ITPK1: variants seen among roughly 807,000 people sequenced by gnomAD.
ITPK1 encodes the protein inositol-tetrakisphosphate 1-kinase, also known as inositol 1,3,4-trisphosphate 5/6-kinase.
ITPK1 carries 21 observed loss-of-function variants against 45.3 expected under a neutral mutation model. The observed-to-expected ratio is 0.46, with a 90% confidence interval of 0.33 to 0.67. The LOEUF (loss-of-function observed/expected upper bound fraction) is 0.67. ITPK1 is among the 30% of genes least tolerant of loss of function. The pLI, the probability that ITPK1 is intolerant of heterozygous loss-of-function variation, is 0.02. For synonymous variants in ITPK1, 258 were observed against 253.6 expected (o/e 1.02, Z -0.16); for missense variants, 474 against 573.5 (o/e 0.83, Z 1.77).
intron 3 of ITPK1, among the ~76,000 whole-genome samples, chr14:93,059,109 T>G (rs890852461): frequency 5.7e-3 from 11 of 1,934 alleles, no homozygotes; most frequent in African/African-American, 0.023. Context: ...GAGGCAGGGG[T>G]GGAGGGGGTG....
intron 9 of ITPK1, among the ~76,000 whole-genome samples, chr14:92,947,759 AG>A: frequency 6.6e-6 from 1 of 152,310 alleles, no homozygotes; most frequent in East Asian, 1.9e-4. Flanking sequence ...TTGTGGGCTT[AG>A]GGGCCAAAGG....
chr14:93,050,179 G>A (rs1328241109), intron 3 of ITPK1, among the ~76,000 whole-genome samples: 1 of 152,218 alleles, frequency 6.6e-6, no homozygotes, highest in Non-Finnish European at 1.5e-5. Flanking sequence ...AGGAGGACTG[G>A]GTTGCACTCG....
In ITPK1 at chr14:92,940,577, C is replaced by T; in HGVS notation, c.*984G>A. The stretch of plus-strand genomic sequence containing the variant: ...GAGTGAACCCACTGGGAAGAGGGCC[C>T]CGATCTCCATGGTGTCATGCCGAGG... On this transcript the variant is annotated 3_prime_UTR_variant, in exon 11 of 11. Coordinates refer to ENST00000267615, the MANE Select transcript of ITPK1 (RefSeq NM_014216.6). 6.8e-6 allele frequency: 8 copies of T among 1,183,602 alleles called. No homozygotes were observed. The highest frequency in any genetic ancestry group is 1.6e-5 in the South Asian group (1 of 64,214). 73.3% of individuals were successfully genotyped at this position (1,183,602 alleles called of 1,614,324 possible).
chr14:92,966,162 C>T (rs1885343854), intron 5 of ITPK1, among the ~76,000 whole-genome samples: 1 of 118,272 alleles, frequency 8.5e-6, no homozygotes, highest in Non-Finnish European at 1.7e-5. Flanking sequence ...CCACCATACC[C>T]AACTAATTGG....
intron 3 of ITPK1, chr14:93,071,932 A>C (rs1891021196): frequency 6.6e-6 from 1 of 152,182 alleles, no homozygotes; most frequent in Admixed American, 6.5e-5. Flanking sequence ...AACAATTACT[A>C]TAAGTATACA....
chr14:92,943,133 C>G (rs1887514371), intron 10 of ITPK1, among the ~76,000 whole-genome samples: 1 of 152,268 alleles, frequency 6.6e-6, no homozygotes, highest in Admixed American at 6.5e-5. Flanking sequence ...CGGCGCCTCC[C>G]GAGCTGGCAC....
At chr14:92,951,859 G>T in intron 9 of ITPK1, 87 bp downstream of exon 9, 1 of 1,054,802 alleles carries the variant, frequency 9.5e-7, no homozygotes, top group Non-Finnish European at 1.4e-6. Flanking sequence ...TGGAGAGCTT[G>T]GCCAAGGACC....
At chr14:93,019,552 G>A (rs1043672795) in intron 3 of ITPK1, among the ~76,000 whole-genome samples, 2 of 152,192 alleles carry the variant, frequency 1.3e-5, no homozygotes, top group African/African-American at 4.8e-5. Flanking sequence ...GGCTGCTCTC[G>A]GGTGCGGCCG....
At chr14:93,074,958 G>A (rs905652613) in intron 3 of ITPK1, among the ~76,000 whole-genome samples, 1 of 152,070 alleles carries the variant, frequency 6.6e-6, no homozygotes, top group African/African-American at 2.4e-5. Context: ...AATGGTCCCT[G>A]AACACACACC....
At chr14:92,962,071 C>T (rs902282258) in intron 7 of ITPK1, among the ~76,000 whole-genome samples, 21 of 152,378 alleles carry the variant, frequency 1.4e-4, no homozygotes, top group African/African-American at 4.8e-4. Flanking sequence ...ATGGCTGCCA[C>T]AGCTACGACA....
At chr14:93,091,426 C>T (rs1044834271) in intron 2 of ITPK1, among the ~76,000 whole-genome samples, 15 of 152,188 alleles carry the variant, frequency 9.9e-5, no homozygotes, top group Non-Finnish European at 1.6e-4. Flanking sequence ...CAGCTGGCCT[C>T]GGGCTCTTCC....
rs1339905842 is a variant in ITPK1 at position 93,014,296 on chromosome 14, C to T, written c.246+2380G>A. On this transcript the variant is annotated intron_variant, in intron 4 of 10. Coordinates refer to ENST00000267615, the MANE Select transcript of ITPK1 (RefSeq NM_014216.6). This position sits in a 1 kb window ranked among gnomAD's most constrained non-coding sequence, Gnocchi z 4.4. Reference sequence around the variant, plus strand: ...GCTCCCTGTTAATATTGTTTTCTGCCCAGAAAAGGAACACAGCGGGCACTC... The same window carrying T: ...GCTCCCTGTTAATATTGTTTTCTGCTCAGAAAAGGAACACAGCGGGCACTC... 2.6e-5 allele frequency among the ~76,000 whole-genome samples: 4 copies of T among 152,138 alleles called. No individual in the cohort carries two copies. Among genetic ancestry groups the T allele is most frequent in the Admixed American group, 2.0e-4 (3 of 15,274 alleles).
At chr14:93,092,943 G>C (rs9323887) in intron 2 of ITPK1, among the ~76,000 whole-genome samples, 10,016 of 152,206 alleles carry the variant, frequency 0.066, 1,092 homozygotes, top group African/African-American at 0.23. Context: ...GCCACGGCGC[G>C]TGCCTCCAGG....
At position 93,098,884 on chromosome 14, in the gene ITPK1, G is replaced by GC. The variant is rs754084931; in HGVS notation, c.95+16184dup. The stretch of plus-strand genomic sequence containing the variant: ...AGAGGCACCCACAGCAGTTAAGCAG[G>GC]CCCGGGGCAAGGGGCTCTGAGCAGG... On this transcript the variant is annotated intron_variant, in intron 2 of 10. Coordinates refer to ENST00000267615, the MANE Select transcript of ITPK1 (RefSeq NM_014216.6). Among the ~76,000 whole-genome samples, 19 of 152,264 alleles carry GC rather than the reference G, an allele frequency of 1.2e-4. No homozygotes were observed. The East Asian group carries it at 2.1e-3, about 17-fold the overall frequency.
chr14:93,010,327 C>T (rs895885520), intron 4 of ITPK1, among the ~76,000 whole-genome samples: 1 of 152,224 alleles, frequency 6.6e-6, no homozygotes, highest in Non-Finnish European at 1.5e-5. Flanking sequence ...GGCGACTGCT[C>T]AATAAACATC....
At chr14:93,058,352 C>T (rs1294045805) in intron 3 of ITPK1, among the ~76,000 whole-genome samples, 1 of 144,342 alleles carries the variant, frequency 6.9e-6, no homozygotes, top group Non-Finnish European at 1.5e-5. Flanking sequence ...TGCTGCTCTG[C>T]CTTGAGGTCC....
Position 93,100,558 on chromosome 14 carries a change from C to CAGAG in ITPK1, c.95+14507_95+14510dup, listed in dbSNP as rs752146253. Among the ~76,000 whole-genome samples, 7 of 142,896 alleles carry CAGAG rather than the reference C, an allele frequency of 4.9e-5. No homozygotes were observed. The South Asian group carries it at 9.8e-4, about 20-fold the overall frequency. 93.7% of individuals were successfully genotyped at this position (142,896 alleles called of 152,430 possible). On this transcript the variant is annotated intron_variant, in intron 2 of 10. Coordinates refer to ENST00000267615, the MANE Select transcript of ITPK1 (RefSeq NM_014216.6). Reference sequence around the variant, plus strand: ...GGAGGGAGAGAGAGAGAGAGAGAGACAGAGAGAGAGAGAGACAGACAGACA... The same window carrying CAGAG: ...GGAGGGAGAGAGAGAGAGAGAGAGACAGAGAGAGAGAGAGAGAGACAGACAGACA...
chr14:92,981,657 G>A (rs1471592464), intron 5 of ITPK1, among the ~76,000 whole-genome samples: 1 of 152,196 alleles, frequency 6.6e-6, no homozygotes. Context: ...TATTGAGCAG[G>A]TACTATGTTC....
intron 10 of ITPK1, among the ~76,000 whole-genome samples, chr14:92,942,360 C>T (rs1053985294): frequency 3.3e-5 from 5 of 152,158 alleles, no homozygotes; most frequent in Admixed American, 6.5e-5. Context: ...GGCTGAGTCC[C>T]GGAGACCGCT....
Sources: allele counts gnomAD v4.1 joint callset (sites outside exome capture counted in the v4.1 genomes callset), GRCh38; gene constraint gnomAD v4.1.1; non-coding constraint Gnocchi (gnomAD v3.1); transcripts MANE v1.5; gene names NCBI Gene and HGNC (gene_info 2026-07-23, HGNC 2026-07-21).